Variants in MYO18B observed in about 807,000 individuals in gnomAD.
MYO18B encodes myosin XVIIIB, also known as unconventional myosin-XVIIIb.
In MYO18B, 204 loss-of-function variants were observed where a neutral mutation model predicts 273.0. The observed-to-expected ratio is 0.75, with a 90% CI of 0.67 to 0.84. The LOEUF is 0.84. Among genes scored for constraint, MYO18B ranks in the 40% least tolerant of loss-of-function variants. The pLI is 0.00. For synonymous variants in MYO18B, 1,330 were observed against 1,305.7 expected, an observed-to-expected ratio of 1.02 and a Z score of -0.40; for missense variants, 3,212 against 3,287.6, an observed-to-expected ratio of 0.98 and a Z score of 0.56.
At chr22:25,801,613 A>G (rs1328491223) in intron 12 of MYO18B, among the ~76,000 whole-genome samples, 1 of 152,204 alleles carries the variant, frequency 6.6e-6, no homozygotes. Flanking sequence ...CTCATTTTAT[A>G]GACAAGCAAA....
At chr22:26,047,386 A>G in the MYO18B span, among the ~76,000 whole-genome samples, 4 of 152,054 alleles carry the variant, frequency 2.6e-5, no homozygotes, top group Non-Finnish European at 2.9e-5. Context: ...TTGGCCTCCC[A>G]AAGTGCTGGG....
At chr22:26,026,131 G>A (rs1249387003) in intron 42 of MYO18B, among the ~76,000 whole-genome samples, 1 of 152,156 alleles carries the variant, frequency 6.6e-6, no homozygotes, top group Non-Finnish European at 1.5e-5. Flanking sequence ...TAAGCTCTGG[G>A]ATGATAGGTC....
chr22:25,939,811 C>T (rs1391914713), intron 34 of MYO18B, among the ~76,000 whole-genome samples: 1 of 152,190 alleles, frequency 6.6e-6, no homozygotes. Flanking sequence ...CATGACCAGA[C>T]TACCTGGGTT....
At chr22:25,957,374 C>T (rs2092865808) in intron 39 of MYO18B, among the ~76,000 whole-genome samples, 2 of 152,320 alleles carry the variant, frequency 1.3e-5, no homozygotes, top group South Asian at 4.1e-4. Context: ...TAGCATAGTT[C>T]CCACATATGA....
chr22:26,046,747 CTA>C, the MYO18B span, among the ~76,000 whole-genome samples: 1 of 152,214 alleles, frequency 6.6e-6, no homozygotes, highest in East Asian at 1.9e-4. Context: ...CCGTGGCTCC[CTA>C]TGTCATTCCA....
chr22:25,999,518 CTCCCCCTCCCCCTCCTCCCCCTCT>C (rs1297457475), intron 40 of MYO18B, among the ~76,000 whole-genome samples: 3 of 88,644 alleles, frequency 3.4e-5, no homozygotes, highest in African/African-American at 5.9e-5. Flanking sequence ...CTTCTTCTCT[CTCCCCCTCCCCCTCCTCCCCCTCT>C]TCCCCCTCCC....
At chr22:26,051,691 T>G in the MYO18B span, among the ~76,000 whole-genome samples, 2 of 152,232 alleles carry the variant, frequency 1.3e-5, no homozygotes, top group Non-Finnish European at 2.9e-5. Flanking sequence ...CTATTCCCCA[T>G]GGGTAATCAT....
In MYO18B at chr22:25,768,205, A is replaced by G. The variant is rs2086574565; in HGVS notation, c.289A>G (p.Ser97Gly). Reference sequence around the variant, plus strand: ...GCAGATCTCTCAGGACGACCAGTCAAGCTCTCCTGGGAGCTCAGACATTCT... The same window carrying G: ...GCAGATCTCTCAGGACGACCAGTCAGGCTCTCCTGGGAGCTCAGACATTCT... ...SQQISQDDQSSSPGSSDILGK... is the reference protein window; with the variant it reads ...SQQISQDDQSGSPGSSDILGK... Residue 97 changes from serine to glycine, a missense_variant, in exon 4 of 44, where the codon AGC becomes GGC. Physicochemically the swap from Ser to Gly is moderately conservative, Grantham distance 56. Coordinates refer to ENST00000335473, the MANE Select transcript of MYO18B (RefSeq NM_032608.7). 26 of 1,613,872 alleles carry G rather than the reference A, an allele frequency of 1.6e-5. No individual in the cohort carries two copies. In the East Asian group the frequency reaches 5.6e-4, roughly 35 times the overall value.
chr22:25,829,688 AT>A (rs1177879120), intron 15 of MYO18B, among the ~76,000 whole-genome samples: 1 of 151,950 alleles, frequency 6.6e-6, no homozygotes, highest in Non-Finnish European at 1.5e-5. Context: ...AAATACAAAA[AT>A]TAGCCAGACT....
chr22:26,035,353 C>T (rs113380323), downstream of MYO18B, among the ~76,000 whole-genome samples: 678 of 152,326 alleles, frequency 4.5e-3, 5 homozygotes, highest in Middle Eastern at 6.8e-3. Context: ...GGAGAGACTC[C>T]TGCTGTCAGG....
intron 34 of MYO18B, among the ~76,000 whole-genome samples, chr22:25,927,734 A>G (rs921646954): frequency 2.0e-5 from 3 of 152,098 alleles, no homozygotes; most frequent in African/African-American, 7.2e-5. Context: ...GCATCACGGA[A>G]CCTACCGACG....
intron 21 of MYO18B, among the ~76,000 whole-genome samples, chr22:25,859,370 T>C (rs191034514): frequency 6.6e-6 from 1 of 152,334 alleles, no homozygotes; most frequent in Admixed American, 6.5e-5. Context: ...TCTACTTTTT[T>C]TGGGTGCATT....
chr22:25,898,584 T>C (rs2091863451), intron 29 of MYO18B, 123 bp downstream of exon 29: 2 of 1,011,106 alleles, frequency 2.0e-6, no homozygotes, highest in East Asian at 4.8e-5. Context: ...GCTCTAATCT[T>C]CCTCCCTGTC....
intron 18 of MYO18B, 46 bp from the exon 19 acceptor site, chr22:25,846,054 C>T: frequency 6.9e-7 from 1 of 1,448,448 alleles, no homozygotes; most frequent in Non-Finnish European, 9.0e-7. Flanking sequence ...AAGGCTTTCC[C>T]AAGAACCTCC....
chr22:25,780,397 C>T (rs1196915178), intron 9 of MYO18B, among the ~76,000 whole-genome samples, 199 bp downstream of exon 9: 1 of 151,670 alleles, frequency 6.6e-6, no homozygotes, highest in Non-Finnish European at 1.5e-5. Context: ...TTGAGACCAG[C>T]CTGACCAACA....
intron 17 of MYO18B, among the ~76,000 whole-genome samples, chr22:25,836,479 G>T (rs979249440): frequency 6.6e-6 from 1 of 152,134 alleles, no homozygotes. Flanking sequence ...AGCAGCATAC[G>T]CAGCTTTATG....
intron 39 of MYO18B, among the ~76,000 whole-genome samples, chr22:25,973,437 C>T (rs1181097241): frequency 6.6e-6 from 1 of 152,174 alleles, no homozygotes; most frequent in Admixed American, 6.5e-5. Context: ...GGAGTTCCTC[C>T]AGTTTTCTCC....
intron 15 of MYO18B, 94 bp downstream of exon 15, chr22:25,829,062 G>A: frequency 2.2e-6 from 3 of 1,364,178 alleles, no homozygotes; most frequent in Non-Finnish European, 3.0e-6. Flanking sequence ...CCAGGAGCCT[G>A]CAGCTTCACC....
At position 26,026,721 on chromosome 22, in the gene MYO18B, C is replaced by A; in HGVS notation, c.6747C>A (p.Ala2249=). 1 of 1,613,712 alleles carries A rather than the reference C, an allele frequency of 6.2e-7. No homozygotes were observed. The highest frequency in any genetic ancestry group is 8.5e-7 in the Non-Finnish European group (1 of 1,179,806). The change falls in exon 43 of 44, where the codon GCC becomes GCA. Residue 2249 remains alanine (A), a synonymous_variant. Coordinates refer to ENST00000335473, the MANE Select transcript of MYO18B (RefSeq NM_032608.7). ...AAAAGCTGCCCAGTCCTTCAGCGGC[C>A]CTCTCGGAGTTCGTGGAAGGGCTCC... The part of the protein sequence containing the change: ...SREKLPSPSA[A]LSEFVEGLRR...
Sources: gnomAD v4.1 joint callset for allele counts (sites outside exome capture counted in the v4.1 genomes callset) on GRCh38, gnomAD v4.1.1 for gene constraint, MANE v1.5 for transcripts, NCBI Gene and HGNC (gene_info 2026-07-23, HGNC 2026-07-21) for gene names.